ZNF608: variants seen among roughly 807,000 people sequenced by gnomAD.
ZNF608 encodes the protein renal carcinoma antigen NY-REN-36.
Under a neutral mutation model 109.0 loss-of-function variants are expected in ZNF608, and 12 were observed. The ratio of observed to expected loss-of-function variants is 0.11; its 90% CI spans 0.07 to 0.18. The LOEUF (loss-of-function observed/expected upper bound fraction) is 0.18. ZNF608 is among the 10% of genes least tolerant of loss of function. The pLI is 1.00. For synonymous variants in ZNF608, 732 were observed against 717.4 expected (o/e 1.02, Z -0.33); for missense variants, 1,707 against 1,879.3 (o/e 0.91, Z 1.70).
chr5:124,646,525 T>C (rs1039907056), intron 5 of ZNF608, among the ~76,000 whole-genome samples, 154 bp downstream of exon 5: 4 of 152,120 alleles, frequency 2.6e-5, no homozygotes, highest in Admixed American at 2.6e-4. Context: ...ACATAGTAAC[T>C]CCTGAGAATC....
intron 2 of ZNF608, among the ~76,000 whole-genome samples, chr5:124,712,580 T>C (rs1417490796): frequency 6.6e-6 from 1 of 152,070 alleles, no homozygotes; most frequent in African/African-American, 2.4e-5. Context: ...GGGTGACTAA[T>C]CTATGGAGTG....
At position 124,641,374 on chromosome 5, in the gene ZNF608, C is replaced by G. The variant is rs148560544; in HGVS notation, c.4328G>C (p.Arg1443Pro). The change falls in exon 8 of 10, where the codon CGG becomes CCG. Residue 1443 changes from arginine to proline, a missense_variant. Transcript: ENST00000513986. ...GCGATCCCTTTCCCTTTCTGCCTCC[C>G]GTTCCCGCTCAGCTGTAGCCTTTTC... ...PVEKATAERE[R>P]EAERERDRHS... 1.9e-6 allele frequency: 3 copies of G among 1,613,968 alleles called. No homozygotes were observed. The highest frequency in any genetic ancestry group is 2.5e-6 in the Non-Finnish European group (3 of 1,179,950).
At chr5:124,691,715 G>C (rs1274922695) in intron 3 of ZNF608, among the ~76,000 whole-genome samples, 1 of 152,128 alleles carries the variant, frequency 6.6e-6, no homozygotes, top group Non-Finnish European at 1.5e-5. Context: ...CAAGTGAAAT[G>C]AGCCAGTCAC....
rs10067923 is a variant in ZNF608, at chr5:124,716,098, G to A, written c.907-14829C>T. On this transcript the variant is annotated intron_variant, in intron 2 of 9. Coordinates refer to ENST00000513986, the MANE Select transcript of ZNF608 (RefSeq NM_020747.3). ...GCGGAGCTGGCAGTGAGCCGAGATCGCGCCACTGCACTCCAGCCTGGGCGA... is the reference window on the plus strand; with the variant it reads ...GCGGAGCTGGCAGTGAGCCGAGATCACGCCACTGCACTCCAGCCTGGGCGA... Among the ~76,000 whole-genome samples, 497 of 144,638 alleles carry A rather than the reference G, an allele frequency of 3.4e-3. 4 individuals are homozygous for A. Among genetic ancestry groups the A allele is most frequent in the African/African-American group, 0.012 (460 of 38,722 alleles). The allele number at this position is 144,638 out of a possible 152,430, so 94.9% of individuals were successfully genotyped here.
At chr5:124,668,223 A>G (rs1460945779) in intron 3 of ZNF608, among the ~76,000 whole-genome samples, 2 of 145,390 alleles carry the variant, frequency 1.4e-5, no homozygotes, top group African/African-American at 5.0e-5. Flanking sequence ...TATATTATAT[A>G]TATATATATT....
chr5:124,682,893 A>G (rs1277019629), intron 3 of ZNF608, among the ~76,000 whole-genome samples: 1 of 152,052 alleles, frequency 6.6e-6, no homozygotes, highest in Admixed American at 6.6e-5. Flanking sequence ...TGGCATTCAC[A>G]CTCTTGTGTG....
chr5:124,654,841 A>G (rs1750939501), intron 3 of ZNF608, among the ~76,000 whole-genome samples: 1 of 152,210 alleles, frequency 6.6e-6, no homozygotes, highest in Admixed American at 6.5e-5. Flanking sequence ...AGTCTCCTTC[A>G]TCTGGGACCC....
At chr5:124,682,913 C>T (rs377403609) in intron 3 of ZNF608, among the ~76,000 whole-genome samples, 1 of 152,172 alleles carries the variant, frequency 6.6e-6, no homozygotes, top group East Asian at 1.9e-4. Context: ...GATGCCCTCC[C>T]CTGAGTGTGG....
intron 3 of ZNF608, among the ~76,000 whole-genome samples, chr5:124,679,090 T>C (rs965908073): frequency 1.3e-5 from 2 of 152,206 alleles, no homozygotes; most frequent in African/African-American, 2.4e-5. Flanking sequence ...AAGCTGGCCA[T>C]CTGAAAGGAG....
At chr5:124,713,244 A>G (rs1753571326) in intron 2 of ZNF608, among the ~76,000 whole-genome samples, 1 of 152,114 alleles carries the variant, frequency 6.6e-6, no homozygotes, top group Non-Finnish European at 1.5e-5. Context: ...TTCCCTTTCC[A>G]GTCTTAGAGC....
chr5:124,660,174 G>C lies in ZNF608; in HGVS notation c.1163-10477C>G, dbSNP rs540749245. ...CAGAAGAACTGCCTCTCTTAACTCT[G>C]TGTGTGTGTGTGTGTGTGTGAGAGA... On this transcript the variant is annotated intron_variant, in intron 3 of 9. Transcript: ENST00000513986. Among the ~76,000 whole-genome samples, 22 of 118,778 alleles carry C rather than the reference G, an allele frequency of 1.9e-4. No individual in the cohort carries two copies. In the South Asian group the frequency reaches 6.3e-3, roughly 34 times the overall value. 77.9% of individuals were successfully genotyped at this position (118,778 alleles called of 152,430 possible). A position where few individuals can be genotyped will look rare whatever the true frequency, so the allele number is the denominator to read the frequency against.
At chr5:124,746,868 A>G, upstream of ZNF608, 9 of 796,658 alleles carry the variant, frequency 1.1e-5, no homozygotes, top group Non-Finnish European at 1.4e-5. Flanking sequence ...GAGGAGAAAA[A>G]GAAAGGTGTG....
At chr5:124,664,597 T>G (rs1751400930) in intron 3 of ZNF608, among the ~76,000 whole-genome samples, 1 of 152,200 alleles carries the variant, frequency 6.6e-6, no homozygotes, top group South Asian at 2.1e-4. Context: ...TGTCAGGTCC[T>G]TTTATTATTG....
At chr5:124,645,076 G>T (rs1437996341) in intron 5 of ZNF608, among the ~76,000 whole-genome samples, 1 of 152,128 alleles carries the variant, frequency 6.6e-6, no homozygotes, top group African/African-American at 2.4e-5. Context: ...CAGGTGAAAA[G>T]AATGTTAAAA....
In ZNF608 at chr5:124,647,560, T is replaced by C. The variant is rs1750580565; in HGVS notation, c.2824A>G (p.Ile942Val). The C allele has an allele frequency of 2.5e-6, 4 of 1,614,226 alleles. No individual in the cohort carries two copies. The East Asian group carries it at 8.9e-5, about 36-fold the overall frequency. Residue 942 changes from isoleucine (I) to valine (V), a missense_variant, in exon 5 of 10, where the codon ATA becomes GTA. Transcript: ENST00000513986. ...AKTSSPAYSDISDAADDGGSD... is the reference protein window; with the variant it reads ...AKTSSPAYSDVSDAADDGGSD... ...CCACCATCGTCAGCAGCATCAGATA[T>C]GTCTGAATAGGCCGGGCTGCTTGTC...
At chr5:124,688,295 G>A (rs1183230320) in intron 3 of ZNF608, among the ~76,000 whole-genome samples, 1 of 152,170 alleles carries the variant, frequency 6.6e-6, no homozygotes, top group Middle Eastern at 3.2e-3. Context: ...CATTGAGGCA[G>A]AGCCCAGCCG....
At chr5:124,639,906 G>A (rs1448598476) in intron 8 of ZNF608, among the ~76,000 whole-genome samples, 1 of 152,102 alleles carries the variant, frequency 6.6e-6, no homozygotes, top group Non-Finnish European at 1.5e-5. Flanking sequence ...GGTAACTTAA[G>A]ACAGTACAAT....
intron 2 of ZNF608, among the ~76,000 whole-genome samples, chr5:124,731,277 G>A (rs560375427): frequency 3.3e-5 from 5 of 152,086 alleles, no homozygotes; most frequent in Non-Finnish European, 7.4e-5. Flanking sequence ...GTGGCACGAT[G>A]TCAGCTCACT....
chr5:124,701,410 G>T, intron 2 of ZNF608, 141 bp from the exon 3 acceptor site: 1 of 1,100,102 alleles, frequency 9.1e-7, no homozygotes, highest in Non-Finnish European at 1.3e-6. Flanking sequence ...TTTTAATGGT[G>T]CCAAAATATA....
Sources: gnomAD v4.1 joint callset for allele counts (sites outside exome capture counted in the v4.1 genomes callset) on GRCh38, gnomAD v4.1.1 for gene constraint, MANE v1.5 for transcripts, NCBI Gene and HGNC (gene_info 2026-07-23, HGNC 2026-07-21) for gene names.